The following CD38 variants were observed in gnomAD, a reference collection of about 807,000 sequenced individuals.
CD38 encodes the protein CD38 molecule, also known as ADP-ribosyl cyclase/cyclic ADP-ribose hydrolase 1.
In CD38, 31 loss-of-function variants were observed where a neutral mutation model predicts 36.3. The ratio of observed to expected loss-of-function variants is 0.85; its 90% CI spans 0.64 to 1.15. CD38 has a LOEUF of 1.15. Ranked by LOEUF, CD38 falls within the 50% of genes most tolerant of loss-of-function variation. The probability of loss-of-function intolerance (pLI) is 0.00; values close to 1 mark genes in which losing one functional copy is unlikely to be tolerated. For missense variants in CD38, 380 were observed against 371.9 expected, an observed-to-expected ratio of 1.02 and a Z score of -0.18; for synonymous variants, 131 against 135.2, an observed-to-expected ratio of 0.97 and a Z score of 0.22.
intron 5 of CD38, among the ~76,000 whole-genome samples, chr4:15,838,449 C>G (rs1724120818): frequency 6.6e-6 from 1 of 152,136 alleles, no homozygotes; most frequent in South Asian, 2.1e-4. Context: ...TCTCAGCTTT[C>G]TCTCCCGTTA....
intron 7 of CD38, among the ~76,000 whole-genome samples, chr4:15,847,089 G>C (rs1178477422): frequency 5.7e-5 from 1 of 17,552 alleles, no homozygotes; most frequent in Non-Finnish European, 8.5e-5. Flanking sequence ...AAATCATGCT[G>C]CTATAAAGAC....
At chr4:15,815,251 C>A (rs1414829385) in intron 1 of CD38, among the ~76,000 whole-genome samples, 3 of 152,112 alleles carry the variant, frequency 2.0e-5, no homozygotes, top group South Asian at 2.1e-4. Context: ...GCTATACGGG[C>A]TCTTTTTTGG....
chr4:15,786,509 G>A (rs1722834796), intron 1 of CD38, among the ~76,000 whole-genome samples: 1 of 152,150 alleles, frequency 6.6e-6, no homozygotes, highest in Non-Finnish European at 1.5e-5. Context: ...ACAGAGCACT[G>A]ATTGGTGCAT....
chr4:15,787,466 C>T (rs1722863551), intron 1 of CD38, among the ~76,000 whole-genome samples: 1 of 152,182 alleles, frequency 6.6e-6, no homozygotes, highest in South Asian at 2.1e-4. Flanking sequence ...AATGTTGAGC[C>T]CTCTTGGGCA....
At chr4:15,781,409 A>G (rs545280144) in intron 1 of CD38, among the ~76,000 whole-genome samples, 5 of 152,368 alleles carry the variant, frequency 3.3e-5, no homozygotes, top group Middle Eastern at 3.4e-3. Context: ...CAACATTTAT[A>G]TAACATAATA....
chr4:15,837,986 G>T lies in CD38; in HGVS notation c.586-106G>T, dbSNP rs530117424. The T allele has an allele frequency of 1.9e-5, 16 of 863,168 alleles. No homozygotes were observed. In the African/African-American group the frequency reaches 2.2e-4, roughly 12 times the overall value. The allele number at this position is 863,168 out of a possible 1,614,324, so 53.5% of individuals were successfully genotyped here. A position where few individuals can be genotyped will look rare whatever the true frequency, so the allele number is the denominator to read the frequency against. ...GACATTCCTGGGCTAAAACCATATG[G>T]GATATCCTTCCTTAACCAGCTATTG... On this transcript the variant is annotated intron_variant, in intron 4 of 7. Coordinates refer to ENST00000226279, the MANE Select transcript of CD38 (RefSeq NM_001775.4).
At chr4:15,825,492 C>T (rs1481261236) in intron 3 of CD38, 1 of 153,578 alleles carries the variant, frequency 6.5e-6, no homozygotes, top group South Asian at 2.1e-4. Context: ...ACACCTCCTA[C>T]TAGTCCCGAG....
intron 5 of CD38, 55 bp from the exon 6 acceptor site, chr4:15,839,971 G>A (rs1724165571): frequency 1.7e-6 from 2 of 1,201,698 alleles, no homozygotes; most frequent in African/African-American, 1.5e-5. Flanking sequence ...TGAGGGGGGT[G>A]TGGATGCTTT....
intron 7 of CD38, among the ~76,000 whole-genome samples, chr4:15,847,528 G>A (rs1724282623): frequency 9.0e-6 from 1 of 110,922 alleles, no homozygotes; most frequent in African/African-American, 3.9e-5. Flanking sequence ...CCTGCACAAT[G>A]TGCACATGTA....
chr4:15,815,719 T>C (rs1159789797), intron 1 of CD38, among the ~76,000 whole-genome samples: 2 of 152,154 alleles, frequency 1.3e-5, no homozygotes, highest in Non-Finnish European at 2.9e-5. Context: ...ACAGAGACAA[T>C]TTGACTTTCT....
At chr4:15,818,106 T>C (rs1183858549) in intron 2 of CD38, among the ~76,000 whole-genome samples, 1 of 143,004 alleles carries the variant, frequency 7.0e-6, no homozygotes, top group Non-Finnish European at 1.5e-5. Context: ...ACCACTGGCT[T>C]GAAATTCTTG....
intron 1 of CD38, among the ~76,000 whole-genome samples, chr4:15,798,944 G>C (rs1347772467): frequency 1.3e-5 from 2 of 152,046 alleles, no homozygotes; most frequent in African/African-American, 2.4e-5. Flanking sequence ...CAGTTATGTG[G>C]ATTGCAAATA....
At chr4:15,826,456 T>TGCGCAC (rs56967098) in intron 3 of CD38, among the ~76,000 whole-genome samples, 1,331 of 93,774 alleles carry the variant, frequency 0.014, 12 homozygotes, top group South Asian at 0.036. Flanking sequence ...AACACTTTTG[T>TGCGCAC]GCGCACACAC....
intron 1 of CD38, among the ~76,000 whole-genome samples, chr4:15,783,636 G>A (rs1722744923): frequency 6.6e-6 from 1 of 152,194 alleles, no homozygotes; most frequent in South Asian, 2.1e-4. Context: ...CATGCTGGTT[G>A]AACATAAGTA....
chr4:15,837,673 G>A (rs1042065265), intron 4 of CD38, among the ~76,000 whole-genome samples: 1 of 151,934 alleles, frequency 6.6e-6, no homozygotes, highest in Non-Finnish European at 1.5e-5. Flanking sequence ...CTCTCCTCAG[G>A]TTCCCCTCTT....
At position 15,838,138 on chromosome 4, in the gene CD38, C is replaced by A. The variant is rs1432068695; in HGVS notation, c.632C>A (p.Ser211Tyr). ...CDVVHVMLNG[S>Y]RSKIFDKNST... ...GTGGTCCATGTGATGCTCAATGGAT[C>A]CCGCAGTAAAATCTTTGACAAAAAC... Residue 211 changes from serine to tyrosine, a missense_variant, in exon 5 of 8, where the codon TCC (serine) becomes TAC (tyrosine). Ser to Tyr is a moderately radical substitution (Grantham distance 144). Coordinates refer to ENST00000226279, the MANE Select transcript of CD38 (RefSeq NM_001775.4). The A allele has an allele frequency of 6.2e-7, 1 of 1,613,530 alleles. No individual in the cohort carries two copies.
At chr4:15,821,571 C>T (rs961657484) in intron 2 of CD38, among the ~76,000 whole-genome samples, 1 of 151,310 alleles carries the variant, frequency 6.6e-6, no homozygotes, top group Non-Finnish European at 1.5e-5. Context: ...TAAACTAGAA[C>T]ATCTAGAAGA....
In CD38 at chr4:15,778,843, C is replaced by G. The variant is rs1415341012; in HGVS notation, c.233+196C>G. ...TTTCAGGAGCAGCTGGCCTTGGCACCGAGCGTGCCCGCGGGAGGCGGGGGG... is the reference window on the plus strand; with the variant it reads ...TTTCAGGAGCAGCTGGCCTTGGCACGGAGCGTGCCCGCGGGAGGCGGGGGG... On this transcript the variant is annotated intron_variant, in intron 1 of 7. Transcript: ENST00000226279. This position sits in a 1 kb window ranked among gnomAD's most constrained non-coding sequence, Gnocchi z 4.9. Among the ~76,000 whole-genome samples, 2 of 149,260 alleles carry G rather than the reference C, an allele frequency of 1.3e-5. No homozygotes were observed. The highest frequency in any genetic ancestry group is 6.6e-5 in the Admixed American group (1 of 15,082).
chr4:15,813,425 T>C (rs1723515858), intron 1 of CD38, among the ~76,000 whole-genome samples: 1 of 152,208 alleles, frequency 6.6e-6, no homozygotes, highest in Non-Finnish European at 1.5e-5. Context: ...GATTTTTACA[T>C]GTTAATTTTT....
Sources: allele counts gnomAD v4.1 joint callset (sites outside exome capture counted in the v4.1 genomes callset), GRCh38; gene constraint gnomAD v4.1.1; non-coding constraint Gnocchi (gnomAD v3.1); transcripts MANE v1.5; gene names NCBI Gene and HGNC (gene_info 2026-07-23, HGNC 2026-07-21).